Variants in WDR27 observed in about 807,000 individuals in gnomAD.
WDR27 encodes WD repeat domain 27, also known as WD repeat-containing protein 27.
In WDR27, 100 loss-of-function variants were observed where a neutral mutation model predicts 114.4. That is an observed-to-expected ratio of 0.87 (90% CI 0.74 to 1.03). The LOEUF (loss-of-function observed/expected upper bound fraction) is 1.03, where lower values mean the gene tolerates loss of function less well. WDR27 is among the 50% of genes least tolerant of loss of function. WDR27 has a pLI of 0.00. For synonymous variants in WDR27, 449 were observed against 423.1 expected (o/e 1.06, Z -0.75); for missense variants, 1,129 against 1,092.9 (o/e 1.03, Z -0.47).
chr6:169,537,234 G>A (rs1348878467), intron 25 of WDR27, among the ~76,000 whole-genome samples: 1 of 152,240 alleles, frequency 6.6e-6, no homozygotes, highest in East Asian at 1.9e-4. Context: ...TTCTTACGTA[G>A]CTTATGCTCT....
At chr6:169,618,471 T>C (rs1177988992) in intron 21 of WDR27, among the ~76,000 whole-genome samples, 1 of 151,938 alleles carries the variant, frequency 6.6e-6, no homozygotes, top group Admixed American at 6.6e-5. Context: ...ACACATAAAA[T>C]AGGAAAATAT....
Position 169,636,476 on chromosome 6 carries a change from T to G in WDR27, c.1898A>C (p.Gln633Pro). The change falls in exon 19 of 26, where the codon CAG (glutamine) becomes CCG (proline). Residue 633 changes from glutamine to proline, a missense_variant. Transcript: ENST00000448612. Reference sequence around the variant, plus strand: ...ATCTATATAATAGAACTGTGCAGACTGTATAGGTTTAGAAAACATGTCTTT... The same window carrying G: ...ATCTATATAATAGAACTGTGCAGACGGTATAGGTTTAGAAAACATGTCTTT... ...LGKDMFSKPI[Q>P]SAQFYYIDAF... 1 of 1,612,454 alleles carries G rather than the reference T, an allele frequency of 6.2e-7. No individual in the cohort carries two copies.
intron 25 of WDR27, among the ~76,000 whole-genome samples, chr6:169,501,512 C>A (rs1187564542): frequency 1.3e-5 from 2 of 152,154 alleles, no homozygotes; most frequent in African/African-American, 4.8e-5. Flanking sequence ...AAGCCAGAAA[C>A]AAAAGATATT....
chr6:169,663,423 C>T (rs1826899092), intron 8 of WDR27: 1 of 151,506 alleles, frequency 6.6e-6, no homozygotes, highest in Admixed American at 6.6e-5. Context: ...GCTGTGAGCC[C>T]AGAGATGATT....
intron 22 of WDR27, 88 bp downstream of exon 22, chr6:169,613,471 A>C: frequency 9.1e-7 from 1 of 1,103,418 alleles, no homozygotes; most frequent in Non-Finnish European, 1.3e-6. Context: ...ATTAACCACA[A>C]CCTCATCACA....
At chr6:169,658,772 C>T (rs1270462534) in intron 12 of WDR27, among the ~76,000 whole-genome samples, 1 of 151,942 alleles carries the variant, frequency 6.6e-6, no homozygotes, top group Non-Finnish European at 1.5e-5. Context: ...CAAGCTCCGC[C>T]TCCCGGGTTC....
intron 25 of WDR27, among the ~76,000 whole-genome samples, chr6:169,540,534 A>G (rs1796713112): frequency 6.6e-6 from 1 of 151,738 alleles, no homozygotes; most frequent in Admixed American, 6.6e-5. Flanking sequence ...AGTTCAAGCA[A>G]TTCTCCTGCC....
chr6:169,603,304 G>T (rs1459081025), intron 22 of WDR27, among the ~76,000 whole-genome samples: 1 of 151,916 alleles, frequency 6.6e-6, no homozygotes, highest in East Asian at 1.9e-4. Context: ...ACTGAGAAAA[G>T]ATTAAATCTT....
intron 16 of WDR27, 173 bp downstream of exon 16, chr6:169,647,600 T>G: frequency 1.4e-6 from 1 of 704,756 alleles, no homozygotes; most frequent in Non-Finnish European, 2.5e-6. Context: ...TACAGTCGAG[T>G]GAAACGCAGT....
the WDR27 span, among the ~76,000 whole-genome samples, chr6:169,435,080 A>G: frequency 6.6e-6 from 1 of 152,236 alleles, no homozygotes; most frequent in Admixed American, 6.5e-5. Flanking sequence ...TCCAAGGCAT[A>G]GCTTAGGCCA....
At chr6:169,674,675 T>C (rs1380776605) in intron 2 of WDR27, among the ~76,000 whole-genome samples, 2 of 152,216 alleles carry the variant, frequency 1.3e-5, no homozygotes, top group Non-Finnish European at 2.9e-5. Context: ...CTGAAAATTT[T>C]CCAAATTTTG....
At chr6:169,581,246 A>G (rs1803368371) in intron 24 of WDR27, among the ~76,000 whole-genome samples, 1 of 152,174 alleles carries the variant, frequency 6.6e-6, no homozygotes, top group Non-Finnish European at 1.5e-5. Flanking sequence ...TCAGGCTGAA[A>G]GACATTTTGA....
chr6:169,450,669 C>T, the WDR27 span, among the ~76,000 whole-genome samples: 1 of 152,198 alleles, frequency 6.6e-6, no homozygotes, highest in Non-Finnish European at 1.5e-5. Flanking sequence ...GGTCTGGCTT[C>T]TTTAGTCAGA....
chr6:169,698,421 CAT>C (rs779175313), intron 1 of WDR27, among the ~76,000 whole-genome samples: 11 of 152,204 alleles, frequency 7.2e-5, no homozygotes, highest in Non-Finnish European at 1.3e-4. Flanking sequence ...CACACACACA[CAT>C]ACACACACGT....
chr6:169,427,986 GGGT>G, the WDR27 span, among the ~76,000 whole-genome samples: 1 of 152,112 alleles, frequency 6.6e-6, no homozygotes, highest in Non-Finnish European at 1.5e-5. Flanking sequence ...GGCCCCAGAG[GGGT>G]CCCGGAGAAA....
At chr6:169,668,417 C>T (rs1317633457) in intron 4 of WDR27, among the ~76,000 whole-genome samples, 1 of 152,164 alleles carries the variant, frequency 6.6e-6, no homozygotes, top group Non-Finnish European at 1.5e-5. Flanking sequence ...TGCCCTGAGG[C>T]TCCCCGCCTG....
chr6:169,507,179 T>C (rs1323723063), intron 25 of WDR27, among the ~76,000 whole-genome samples: 8 of 152,246 alleles, frequency 5.3e-5, no homozygotes, highest in African/African-American at 1.9e-4. Flanking sequence ...ACAAGTTTGG[T>C]TGAGAATAAG....
At chr6:169,687,411 A>G (rs1030973606) in intron 2 of WDR27, among the ~76,000 whole-genome samples, 4 of 152,122 alleles carry the variant, frequency 2.6e-5, no homozygotes, top group Admixed American at 6.5e-5. Context: ...AATCCAATAG[A>G]AAAAAATGGC....
At chr6:169,693,696 G>A (rs1176919228) in intron 1 of WDR27, among the ~76,000 whole-genome samples, 1 of 151,094 alleles carries the variant, frequency 6.6e-6, no homozygotes, top group African/African-American at 2.4e-5. Context: ...TCTTACATAG[G>A]ACAAAACAAA....
Sources: allele counts gnomAD v4.1 joint callset (sites outside exome capture counted in the v4.1 genomes callset), GRCh38; gene constraint gnomAD v4.1.1; transcripts MANE v1.5; gene names NCBI Gene and HGNC (gene_info 2026-07-23, HGNC 2026-07-21).